Variants in H6PD observed in about 807,000 individuals in gnomAD.
The protein encoded by H6PD is hexose-6-phosphate dehydrogenase/glucose 1-dehydrogenase.
A neutral mutation model predicts 61.2 loss-of-function variants in H6PD; 48 were observed. The ratio of observed to expected loss-of-function variants is 0.78; its 90% CI spans 0.62 to 1.00. The LOEUF (loss-of-function observed/expected upper bound fraction) is 1.00. H6PD is among the 50% of genes least tolerant of loss of function. The pLI is 0.00. For synonymous variants in H6PD, 480 were observed against 457.9 expected (o/e 1.05, Z -0.62); for missense variants, 1,093 against 1,065.0 (o/e 1.03, Z -0.37).
intron 3 of H6PD, among the ~76,000 whole-genome samples, chr1:9,259,686 A>G (rs1004932340): frequency 5.3e-5 from 8 of 150,344 alleles, no homozygotes; most frequent in Non-Finnish European, 1.0e-4. Context: ...TGCTCTTAAC[A>G]CCGGTGTTAT....
At chr1:9,235,243 G>A (rs1180228679) in intron 1 of H6PD, among the ~76,000 whole-genome samples, 177 bp downstream of exon 1, 3 of 152,014 alleles carry the variant, frequency 2.0e-5, no homozygotes, top group African/African-American at 7.2e-5. Flanking sequence ...GGGTCGCCCC[G>A]AGCGGCCGAG....
chr1:9,264,127 T>C lies in H6PD; in HGVS notation c.1634T>C (p.Val545Ala), dbSNP rs372768031. Residue 545 changes from valine to alanine, a missense_variant, in exon 5 of 5, where the codon GTC becomes GCC. By Grantham distance (64) the Val-to-Ala change is moderately conservative. Transcript: ENST00000377403. ...GCCCCAATGCCCAGTGACTTCCAGG[T>C]CCTCAGGGCCAAGTACCGAGAGAGC... ...GPAPMPSDFQVLRAKYRESPL... is the reference protein window; with the variant it reads ...GPAPMPSDFQALRAKYRESPL... 2.5e-4 allele frequency: 406 copies of C among 1,613,592 alleles called. No homozygotes were observed. The highest frequency in any genetic ancestry group is 3.2e-4 in the Non-Finnish European group (383 of 1,179,906).
intron 3 of H6PD, among the ~76,000 whole-genome samples, chr1:9,256,119 T>C (rs1641508688): frequency 6.6e-6 from 1 of 152,204 alleles, no homozygotes; most frequent in Non-Finnish European, 1.5e-5. Context: ...TAGAGGGGCC[T>C]CCTTATATGT....
intron 1 of H6PD, among the ~76,000 whole-genome samples, chr1:9,236,735 A>G (rs1640859256): frequency 6.6e-6 from 1 of 151,636 alleles, no homozygotes; most frequent in Non-Finnish European, 1.5e-5. Context: ...GCATTGTGCT[A>G]AGTACCTTAC....
At chr1:9,251,324 A>C (rs7526864) in intron 3 of H6PD, among the ~76,000 whole-genome samples, 3 of 151,940 alleles carry the variant, frequency 2.0e-5, no homozygotes, top group East Asian at 3.9e-4. Flanking sequence ...CTAACCACTG[A>C]GCTCCACAGC....
chr1:9,252,075 T>C (rs371350102), intron 3 of H6PD, among the ~76,000 whole-genome samples: 5 of 152,166 alleles, frequency 3.3e-5, no homozygotes, highest in South Asian at 2.1e-4. Flanking sequence ...CGGAAATACG[T>C]TACAAATGGA....
At chr1:9,259,294 GTGT>G (rs569663434) in intron 3 of H6PD, among the ~76,000 whole-genome samples, 45 of 152,284 alleles carry the variant, frequency 3.0e-4, no homozygotes, top group African/African-American at 7.9e-4. Context: ...GGCCACACCG[GTGT>G]TGTTATGTTG....
intron 4 of H6PD, 150 bp from the exon 5 acceptor site, chr1:9,263,359 A>C: frequency 3.9e-6 from 3 of 772,782 alleles, no homozygotes; most frequent in East Asian, 4.9e-5. Context: ...AGGTCATGGA[A>C]GAGATGCCAG....
In H6PD at chr1:9,270,784, CTG is replaced by C. The variant is rs1638722755; in HGVS notation, c.*5917_*5918del. On this transcript the variant is annotated 3_prime_UTR_variant, in exon 5 of 5. Transcript: ENST00000377403. ...TTCTGCCAGGTGAGGAGCAGAGAGA[CTG>C]TTCCCTTGGGTGGAGAGGTGTGGGC... The C allele has an allele frequency of 6.6e-6, 1 of 152,304 alleles. No individual in the cohort carries two copies. Among genetic ancestry groups the C allele is most frequent in the Non-Finnish European group, 1.5e-5 (1 of 68,098 alleles). The allele number at this position is 152,304 out of a possible 1,614,324, so 9.4% of individuals were successfully genotyped here. A position where few individuals can be genotyped will look rare whatever the true frequency, so the allele number is the denominator to read the frequency against.
At position 9,245,482 on chromosome 1, in the gene H6PD, C is replaced by A; in HGVS notation, c.548C>A (p.Ala183Asp). The A allele has an allele frequency of 6.2e-7, 1 of 1,614,098 alleles. No homozygotes were observed. Among genetic ancestry groups the A allele is most frequent in the Non-Finnish European group, 8.5e-7 (1 of 1,179,950 alleles). The change falls in exon 2 of 5, where the codon GCC becomes GAC. Residue 183 changes from alanine to aspartate, a missense_variant. Transcript: ENST00000377403. This position sits in a 1 kb window ranked among gnomAD's most constrained non-coding sequence, Gnocchi z 4.8. ...EKPFGHDHFSAQQLATELGTF... is the reference protein window; with the variant it reads ...EKPFGHDHFSDQQLATELGTF... Reference sequence around the variant, plus strand: ...CCCTTTGGCCATGACCACTTCTCAGCCCAGCAGCTGGCCACAGAACTCGGG... The same window carrying A: ...CCCTTTGGCCATGACCACTTCTCAGACCAGCAGCTGGCCACAGAACTCGGG...
At chr1:9,263,463 C>T in intron 4 of H6PD, 46 bp from the exon 5 acceptor site, 2 of 1,597,358 alleles carry the variant, frequency 1.3e-6, no homozygotes, top group Non-Finnish European at 1.7e-6. Flanking sequence ...GCCGGAGAGT[C>T]CTGGTCTGTG....
rs1195766136 is a variant in H6PD at position 9,265,567 on chromosome 1, A to C, written c.*698A>C. On this transcript the variant is annotated 3_prime_UTR_variant, in exon 5 of 5. Coordinates refer to ENST00000377403, the MANE Select transcript of H6PD (RefSeq NM_004285.4). ...TCCCTGTGTCTTTGCTGTTCTTCAG[A>C]CTCCATTTATAGAGAATGAGGGCTG... The C allele has an allele frequency of 1.3e-5, 2 of 158,358 alleles. No individual in the cohort carries two copies. Among genetic ancestry groups the C allele is most frequent in the African/African-American group, 4.8e-5 (2 of 41,330 alleles). The allele number at this position is 158,358 out of a possible 1,614,324, so 9.8% of individuals were successfully genotyped here. A position where few individuals can be genotyped will look rare whatever the true frequency, so the allele number is the denominator to read the frequency against.
intron 3 of H6PD, among the ~76,000 whole-genome samples, chr1:9,258,616 T>C (rs574505984): frequency 5.3e-4 from 80 of 152,300 alleles, no homozygotes; most frequent in African/African-American, 1.7e-3. Context: ...ACCGTTGTTA[T>C]GTTGCTGTTA....
chr1:9,245,581 C>A lies in H6PD; in HGVS notation c.627+20C>A, dbSNP rs1557738122. 2.5e-6 allele frequency: 4 copies of A among 1,613,106 alleles called. No individual in the cohort carries two copies. The highest frequency in any genetic ancestry group is 3.4e-6 in the Non-Finnish European group (4 of 1,179,222). On this transcript the variant is annotated intron_variant, in intron 2 of 4. Transcript: ENST00000377403. The surrounding 1 kb of genome is among the most constrained non-coding windows in gnomAD (Gnocchi z 4.8). ...AAGCAGGTGAGCATCAGCATGGAGC[C>A]TGCCAGGGCTAGGGTGAGCTGGGCG...
chr1:9,236,285 C>T (rs1640846955), intron 1 of H6PD, among the ~76,000 whole-genome samples: 1 of 152,184 alleles, frequency 6.6e-6, no homozygotes, highest in Non-Finnish European at 1.5e-5. Context: ...CCACCGCGCC[C>T]AGCTGGTTAG....
chr1:9,236,495 A>G (rs1640851900), intron 1 of H6PD, among the ~76,000 whole-genome samples: 2 of 152,162 alleles, frequency 1.3e-5, no homozygotes, highest in African/African-American at 2.4e-5. Flanking sequence ...CGTCTCTACT[A>G]AAAATACAAA....
chr1:9,237,906 A>T (rs912157076), intron 1 of H6PD, among the ~76,000 whole-genome samples: 1 of 152,206 alleles, frequency 6.6e-6, no homozygotes, highest in Non-Finnish European at 1.5e-5. Flanking sequence ...TGGATACTGG[A>T]GGTACTGCGG....
At chr1:9,261,097 G>A (rs933574492) in intron 3 of H6PD, among the ~76,000 whole-genome samples, 1 of 152,032 alleles carries the variant, frequency 6.6e-6, no homozygotes, top group Admixed American at 6.5e-5. Flanking sequence ...CTGGGCAGCT[G>A]TGCAGCCTCT....
rs1570122110 is a variant in H6PD at position 9,262,284 on chromosome 1, T to G, written c.971T>G (p.Leu324Arg). Residue 324 changes from leucine to arginine, a missense_variant, in exon 4 of 5, where the codon CTG (leucine) becomes CGG (arginine). Transcript: ENST00000377403. ...TACAGTGAGCAGGTGCGCAGAGAGC[T>G]GCAGAAGCCAGACAGCTTCCACAGC... is the stretch of plus-strand genomic sequence containing the variant. ...QSYSEQVRRELQKPDSFHSLT... is the reference protein window; with the variant it reads ...QSYSEQVRRERQKPDSFHSLT... The G allele has an allele frequency of 6.2e-7, 1 of 1,609,328 alleles. No individual in the cohort carries two copies. The highest frequency in any genetic ancestry group is 8.5e-7 in the Non-Finnish European group (1 of 1,177,910).
Sources: allele counts gnomAD v4.1 joint callset (sites outside exome capture counted in the v4.1 genomes callset), GRCh38; gene constraint gnomAD v4.1.1; non-coding constraint Gnocchi (gnomAD v3.1); transcripts MANE v1.5; gene names NCBI Gene and HGNC (gene_info 2026-07-23, HGNC 2026-07-21).